Variants in DDX10 observed in about 807,000 individuals in gnomAD.
The protein encoded by DDX10 is probable ATP-dependent RNA helicase DDX10.
A neutral mutation model predicts 104.3 loss-of-function variants in DDX10; 74 were observed. That is an observed-to-expected ratio of 0.71 (90% CI 0.59 to 0.86). DDX10 has a LOEUF of 0.86. Ranked by LOEUF, DDX10 falls within the 40% of genes least tolerant of loss-of-function variation. The pLI is 0.00. For synonymous variants in DDX10, 351 were observed against 353.4 expected (o/e 0.99, Z 0.08); for missense variants, 952 against 1,040.0 (o/e 0.92, Z 1.16).
At chr11:108,785,184 C>G (rs1349774256) in intron 13 of DDX10, among the ~76,000 whole-genome samples, 1 of 152,086 alleles carries the variant, frequency 6.6e-6, no homozygotes, top group African/African-American at 2.4e-5. Context: ...TTGAAATGAT[C>G]ATATGATTTT....
At chr11:108,736,637 A>G (rs889853052) in intron 13 of DDX10, among the ~76,000 whole-genome samples, 1 of 152,098 alleles carries the variant, frequency 6.6e-6, no homozygotes, top group Non-Finnish European at 1.5e-5. Flanking sequence ...CCCTTATAAA[A>G]AGGCTTCTTG....
At chr11:108,856,232 C>G (rs2134609267) in intron 16 of DDX10, among the ~76,000 whole-genome samples, 1 of 152,234 alleles carries the variant, frequency 6.6e-6, no homozygotes, top group South Asian at 2.1e-4. Flanking sequence ...GGGTTCAAGA[C>G]CAGCCTGGCC....
chr11:108,710,759 G>A (rs1047918579), intron 10 of DDX10, among the ~76,000 whole-genome samples: 2 of 152,112 alleles, frequency 1.3e-5, no homozygotes, highest in African/African-American at 4.8e-5. Flanking sequence ...CAGTGTGTTT[G>A]CCTACACCAG....
At chr11:108,932,586 G>C (rs527876948) in intron 17 of DDX10, among the ~76,000 whole-genome samples, 17 of 152,180 alleles carry the variant, frequency 1.1e-4, no homozygotes, top group Admixed American at 3.3e-4. Context: ...AGAACCCAGT[G>C]TGTAGTTCTC....
intron 11 of DDX10, among the ~76,000 whole-genome samples, chr11:108,718,708 C>T (rs3951111): frequency 0.87 from 133,237 of 152,276 alleles, 58,719 homozygotes; most frequent in East Asian, 0.99. Context: ...GCAGAATGGC[C>T]AACTGTGTTG....
chr11:108,872,064 A>G (rs1377438205), intron 16 of DDX10, among the ~76,000 whole-genome samples: 1 of 152,248 alleles, frequency 6.6e-6, no homozygotes, highest in Non-Finnish European at 1.5e-5. Context: ...AATGACATTC[A>G]TTGCGACATT....
chr11:108,874,998 C>A (rs886440877), intron 16 of DDX10, among the ~76,000 whole-genome samples: 1 of 152,082 alleles, frequency 6.6e-6, no homozygotes, highest in Non-Finnish European at 1.5e-5. Context: ...TATTTCATAG[C>A]ACTGTTTGGG....
chr11:108,711,718 T>C (rs1041359774), intron 10 of DDX10, among the ~76,000 whole-genome samples: 2 of 152,248 alleles, frequency 1.3e-5, no homozygotes, highest in African/African-American at 4.8e-5. Context: ...AGATGTGTTT[T>C]ATGGCCCAGA....
intron 16 of DDX10, among the ~76,000 whole-genome samples, chr11:108,914,789 G>T (rs141390892): frequency 6.7e-6 from 1 of 149,804 alleles, no homozygotes; most frequent in African/African-American, 2.5e-5. Flanking sequence ...GGAAAATATG[G>T]TATCAGTGAA....
intron 13 of DDX10, among the ~76,000 whole-genome samples, chr11:108,820,881 T>C (rs910047027): frequency 2.0e-5 from 3 of 152,224 alleles, no homozygotes; most frequent in African/African-American, 4.8e-5. Flanking sequence ...ATGTGAAATA[T>C]GTTTATTTCT....
At chr11:108,897,801 C>T (rs554562238) in intron 16 of DDX10, among the ~76,000 whole-genome samples, 6 of 151,904 alleles carry the variant, frequency 3.9e-5, no homozygotes, top group South Asian at 2.1e-4. Flanking sequence ...GTGAGTTCTC[C>T]GGAGTCTTTT....
intron 15 of DDX10, among the ~76,000 whole-genome samples, chr11:108,844,476 A>G (rs1862686396): frequency 6.6e-6 from 1 of 152,224 alleles, no homozygotes; most frequent in Non-Finnish European, 1.5e-5. Flanking sequence ...CACTCAAATC[A>G]TTTATGCACC....
At chr11:108,864,041 A>G (rs975464033) in intron 16 of DDX10, among the ~76,000 whole-genome samples, 27 of 152,226 alleles carry the variant, frequency 1.8e-4, no homozygotes, top group Non-Finnish European at 3.5e-4. Flanking sequence ...CCTCTTTAGA[A>G]TAACAGTAGT....
intron 13 of DDX10, among the ~76,000 whole-genome samples, chr11:108,740,506 A>G (rs1333841027): frequency 2.6e-5 from 4 of 152,152 alleles, no homozygotes; most frequent in Non-Finnish European, 4.4e-5. Flanking sequence ...ATACCCAATA[A>G]TGGGATTGCT....
intron 13 of DDX10, among the ~76,000 whole-genome samples, chr11:108,783,623 G>A (rs774524244): frequency 6.6e-6 from 1 of 152,132 alleles, no homozygotes; most frequent in Non-Finnish European, 1.5e-5. Flanking sequence ...CCAGAGTATG[G>A]GAGAAAGATG....
chr11:108,908,249 A>G (rs1275560378), intron 16 of DDX10, among the ~76,000 whole-genome samples: 1 of 152,236 alleles, frequency 6.6e-6, no homozygotes, highest in Non-Finnish European at 1.5e-5. Context: ...ACTATGAAGA[A>G]TTAATGCATT....
chr11:108,854,514 A>G (rs1862839144), intron 16 of DDX10, among the ~76,000 whole-genome samples: 1 of 152,212 alleles, frequency 6.6e-6, no homozygotes, highest in Non-Finnish European at 1.5e-5. Context: ...CAAGCTATCC[A>G]GAAGATATTT....
intron 16 of DDX10, among the ~76,000 whole-genome samples, chr11:108,867,287 A>G (rs369141085): frequency 1.3e-5 from 2 of 152,212 alleles, no homozygotes; most frequent in African/African-American, 4.8e-5. Context: ...TGAGAGAAGT[A>G]GGAATGTGTG....
At chr11:108,749,589 G>A (rs1370422438) in intron 13 of DDX10, among the ~76,000 whole-genome samples, 1 of 152,136 alleles carries the variant, frequency 6.6e-6, no homozygotes, top group Non-Finnish European at 1.5e-5. Flanking sequence ...ATTGCTGTGA[G>A]TTTTTCTGTA....
Sources: allele counts gnomAD v4.1 joint callset (sites outside exome capture counted in the v4.1 genomes callset), GRCh38; gene constraint gnomAD v4.1.1; transcripts MANE v1.5; gene names NCBI Gene and HGNC (gene_info 2026-07-23, HGNC 2026-07-21).